RETSAT: variants seen among roughly 807,000 people sequenced by gnomAD.
The protein encoded by RETSAT is all-trans-retinol 13,14-reductase.
A neutral mutation model predicts 61.6 loss-of-function variants in RETSAT; 35 were observed. That is an observed-to-expected ratio of 0.57 (90% CI 0.43 to 0.75). The LOEUF is 0.75. Among genes scored for constraint, RETSAT ranks in the 30% least tolerant of loss-of-function variants. The pLI is 0.00. For synonymous variants in RETSAT, 277 were observed against 310.4 expected (o/e 0.89, Z 1.13); for missense variants, 670 against 759.5 (o/e 0.88, Z 1.38).
intron 4 of RETSAT, 185 bp from the exon 5 acceptor site, chr2:85,349,766 C>T (rs982375583): frequency 4.7e-6 from 3 of 644,750 alleles, no homozygotes; most frequent in Middle Eastern, 4.2e-4. Context: ...GATCTTGGCG[C>T]CAGTAGGAAT....
At chr2:85,351,251 C>T in intron 2 of RETSAT, 1 of 555,970 alleles carries the variant, frequency 1.8e-6, no homozygotes, top group Non-Finnish European at 3.2e-6. Context: ...AGAGGCTGGG[C>T]ACGGTGGCTC....
At position 85,354,382 on chromosome 2, in the gene RETSAT, C is replaced by T; in HGVS notation, c.126G>A (p.Ala42=). Residue 42 remains alanine, a synonymous_variant, in exon 1 of 11, where the codon GCG becomes GCA. Transcript: ENST00000295802. ...PFSEDVKRPP[A]PLVTDKEARK... ...TGGCCTCCTTGTCAGTTACCAGGGG[C>T]GCTGGGGGCCGTTTGACATCTTCGG... 6.2e-7 allele frequency: 1 copy of T among 1,614,226 alleles called. No homozygotes were observed.
chr2:85,348,726 A>G (rs1558683005), intron 5 of RETSAT, among the ~76,000 whole-genome samples: 1 of 151,006 alleles, frequency 6.6e-6, no homozygotes, highest in Non-Finnish European at 1.5e-5. Context: ...TTTGGGGACC[A>G]TGCAATCCTT....
rs1683131891 is a variant in RETSAT at position 85,343,717 on chromosome 2, G to A, written c.1615C>T (p.His539Tyr). ...CAAGGGTGCAGGCGGCCCAGGTCAT[G>A]GTCAGCCCCGTAGCAGGCACCTCGG... ...APRGACYGAD[H>Y]DLGRLHPCVM... Residue 539 changes from histidine to tyrosine, a missense_variant, in exon 10 of 11, where the codon CAT (histidine) becomes TAT (tyrosine). Coordinates refer to ENST00000295802, the MANE Select transcript of RETSAT (RefSeq NM_017750.4). 3.1e-6 allele frequency: 5 copies of A among 1,613,988 alleles called. No homozygotes were observed. In the South Asian group the frequency reaches 4.4e-5, roughly 14 times the overall value.
chr2:85,350,584 C>T (rs577653852), intron 3 of RETSAT, among the ~76,000 whole-genome samples, 196 bp downstream of exon 3: 3 of 152,186 alleles, frequency 2.0e-5, no homozygotes, highest in South Asian at 2.1e-4. Flanking sequence ...CAGCAGCAGC[C>T]GTGGAGCCAA....
chr2:85,352,202 A>G (rs909431592), intron 1 of RETSAT, among the ~76,000 whole-genome samples: 2 of 150,766 alleles, frequency 1.3e-5, no homozygotes, highest in Non-Finnish European at 1.5e-5. Context: ...CTACAGGTGC[A>G]TGCCACCATG....
intron 6 of RETSAT, among the ~76,000 whole-genome samples, chr2:85,345,250 C>A (rs1382090341): frequency 1.3e-5 from 2 of 152,150 alleles, no homozygotes; most frequent in Non-Finnish European, 2.9e-5. Context: ...ACCCTATGCC[C>A]TGGAGACAAT....
At chr2:85,345,172 G>C (rs1188358384) in intron 6 of RETSAT, among the ~76,000 whole-genome samples, 3 of 152,196 alleles carry the variant, frequency 2.0e-5, no homozygotes, top group African/African-American at 7.2e-5. Flanking sequence ...CTGAGAGAGG[G>C]GAGGCCGAGC....
Position 85,354,479 on chromosome 2 carries a change from G to T in RETSAT, c.29C>A (p.Ala10Asp). The change falls in exon 1 of 11, where the codon GCT becomes GAT. Residue 10 changes from alanine to aspartate, a missense_variant. Coordinates refer to ENST00000295802, the MANE Select transcript of RETSAT (RefSeq NM_017750.4). ...GCAGAGGACGGCCAGCAGCAGCACA[G>T]CCAGGAGCAGCACCAGCGGAAGCCA... MWLPLVLLL[A>D]VLLLAVLCKV... 1 of 1,613,124 alleles carries T rather than the reference G, an allele frequency of 6.2e-7. No homozygotes were observed. Among genetic ancestry groups the T allele is most frequent in the Non-Finnish European group, 8.5e-7 (1 of 1,179,484 alleles).
At position 85,351,864 on chromosome 2, in the gene RETSAT, T is replaced by C. The variant is rs147080219; in HGVS notation, c.173-2A>G. The C allele has an allele frequency of 1.3e-3, 2,095 of 1,613,168 alleles. 3 individuals are homozygous for C. Among genetic ancestry groups the C allele is most frequent in the Non-Finnish European group, 1.7e-3 (1,980 of 1,179,782 alleles). On this transcript the variant is annotated splice_acceptor_variant, in intron 1 of 10. Coordinates refer to ENST00000295802, the MANE Select transcript of RETSAT (RefSeq NM_017750.4). LOFTEE classifies it high-confidence loss of function. ...CCGGCACTTGGTTGGCTGAAAAAGC[T>C]ACAGCAGAAGGGCCAAAGGGTGGGT... is the stretch of plus-strand genomic sequence containing the variant.
chr2:85,350,323 C>G, intron 3 of RETSAT, 82 bp from the exon 4 acceptor site: 1 of 1,049,682 alleles, frequency 9.5e-7, no homozygotes, highest in Admixed American at 1.9e-5. Flanking sequence ...TGGACCAGCC[C>G]AAGAATCCAG....
In RETSAT at chr2:85,344,735, G is replaced by T; in HGVS notation, c.1118-3C>A. 1 of 1,613,888 alleles carries T rather than the reference G, an allele frequency of 6.2e-7. No homozygotes were observed. The highest frequency in any genetic ancestry group is 8.5e-7 in the Non-Finnish European group (1 of 1,179,846). On this transcript the variant is annotated splice_region_variant and splice_polypyrimidine_tract_variant and intron_variant, in intron 6 of 10. Coordinates refer to ENST00000295802, the MANE Select transcript of RETSAT (RefSeq NM_017750.4). ...CGTCCCCAGTTGCTGCTTCACACCT[G>T]CCAGGGGGAGTGGTTGGTGCCTGTG...
chr2:85,342,956 TGCAGAGC>T lies in RETSAT; in HGVS notation c.*279_*285del, dbSNP rs1210556752. On this transcript the variant is annotated 3_prime_UTR_variant, in exon 11 of 11. Coordinates refer to ENST00000295802, the MANE Select transcript of RETSAT (RefSeq NM_017750.4). ...TGAGTTAGGAGGCATGGGTGAGGGA[TGCAGAGC>T]GCCGCTCGTCATGAGACATCAAGCT... 3.0e-6 allele frequency: 1 copy of T among 331,008 alleles called. No individual in the cohort carries two copies. The highest frequency in any genetic ancestry group is 5.8e-6 in the Non-Finnish European group (1 of 172,560). 20.5% of individuals were successfully genotyped at this position (331,008 alleles called of 1,614,324 possible). A position where few individuals can be genotyped will look rare whatever the true frequency, so the allele number is the denominator to read the frequency against.
intron 6 of RETSAT, 73 bp downstream of exon 6, chr2:85,345,902 A>G: frequency 1.9e-6 from 3 of 1,597,678 alleles, no homozygotes; most frequent in Non-Finnish European, 2.6e-6. Flanking sequence ...CATGACCCAC[A>G]CGGAGCAGGT....
chr2:85,345,658 C>G (rs1157042994), intron 6 of RETSAT: 2 of 427,598 alleles, frequency 4.7e-6, no homozygotes, highest in Non-Finnish European at 8.8e-6. Flanking sequence ...TTCCTGAGGC[C>G]TCTTCTCTGG....
rs369636966 is a variant in RETSAT at position 85,344,030 on chromosome 2, A to T, written c.1502T>A (p.Val501Asp). Residue 501 changes from valine (V) to aspartate (D), a missense_variant, in exon 9 of 11, where the codon GTC becomes GAC. By Grantham distance (152) the Val-to-Asp change is radical. Transcript: ENST00000295802. ...CTCCAGCTGTGGGAACAGTTTCAGGACCACTGACATAGAGGCTTCCACAAA... is the reference window on the plus strand; with the variant it reads ...CTCCAGCTGTGGGAACAGTTTCAGGTCCACTGACATAGAGGCTTCCACAAA... ...NSFVEASMSVVLKLFPQLEGK... is the reference protein window; with the variant it reads ...NSFVEASMSVDLKLFPQLEGK... The T allele has an allele frequency of 4.3e-6, 7 of 1,613,980 alleles. No homozygotes were observed. The African/African-American group carries it at 8.0e-5, about 18-fold the overall frequency.
At chr2:85,344,836 C>A in intron 6 of RETSAT, 104 bp from the exon 7 acceptor site, 1 of 1,322,512 alleles carries the variant, frequency 7.6e-7, no homozygotes, top group Non-Finnish European at 1.0e-6. Context: ...CTGCCTGAGG[C>A]ATGCCGGGCC....
chr2:85,350,124 T>C lies in RETSAT; in HGVS notation c.715A>G (p.Thr239Ala). The change falls in exon 4 of 11, where the codon ACC (threonine) becomes GCC (alanine). Residue 239 changes from threonine (T) to alanine (A), a missense_variant. Transcript: ENST00000295802. ...TGCAGGACCTCAGCCAGGCTCTGGG[T>C]GGATGCTTGAAGGAATGGAGAGAAA... ...TRFSPFLQAS[T>A]QSLAEVLQQL... 6.2e-7 allele frequency: 1 copy of C among 1,613,650 alleles called. No individual in the cohort carries two copies. The highest frequency in any genetic ancestry group is 8.5e-7 in the Non-Finnish European group (1 of 1,179,982).
In RETSAT at chr2:85,343,119, G is replaced by A. The variant is rs1683115304; in HGVS notation, c.*123C>T. 7.2e-7 allele frequency: 1 copy of A among 1,390,296 alleles called. No individual in the cohort carries two copies. Among genetic ancestry groups the A allele is most frequent in the African/African-American group, 1.4e-5 (1 of 69,910 alleles). The allele number at this position is 1,390,296 out of a possible 1,614,324, so 86.1% of individuals were successfully genotyped here. On this transcript the variant is annotated 3_prime_UTR_variant, in exon 11 of 11. Coordinates refer to ENST00000295802, the MANE Select transcript of RETSAT (RefSeq NM_017750.4). ...GTGATTTAAACTAGGCCTCTCTTCA[G>A]GCATCAGAACCAAATTAGAGTGCTT...
Sources: allele counts gnomAD v4.1 joint callset (sites outside exome capture counted in the v4.1 genomes callset), GRCh38; gene constraint gnomAD v4.1.1; transcripts MANE v1.5; gene names NCBI Gene and HGNC (gene_info 2026-07-23, HGNC 2026-07-21).